ZBTB11: variants seen among roughly 807,000 people sequenced by gnomAD.
ZBTB11 encodes zinc finger and BTB domain containing 11, also known as zinc finger and BTB domain-containing protein 11.
Under a neutral mutation model 113.1 loss-of-function variants are expected in ZBTB11, and 68 were observed. That is an observed-to-expected ratio of 0.60 (90% CI 0.49 to 0.74). The LOEUF (loss-of-function observed/expected upper bound fraction) is 0.74, where lower values mean the gene tolerates loss of function less well. Among genes scored for constraint, ZBTB11 ranks in the 30% least tolerant of loss-of-function variants. ZBTB11 has a pLI of 0.00. For missense variants in ZBTB11, 1,104 were observed against 1,279.4 expected (o/e 0.86, Z 2.09); for synonymous variants, 518 against 452.6 (o/e 1.14, Z -1.83).
chr3:101,670,873 T>C, intron 3 of ZBTB11: 1 of 407,846 alleles, frequency 2.5e-6, no homozygotes, highest in Non-Finnish European at 4.4e-6. Flanking sequence ...TCAAACTGTT[T>C]TTAACAGTTT....
chr3:101,651,136 T>C lies in ZBTB11; in HGVS notation c.*30A>G, dbSNP rs371137205. On this transcript the variant is annotated 3_prime_UTR_variant, in exon 11 of 11. Transcript: ENST00000312938. ...TTCTGTGAGTTCAGTGTACAAGAGA[T>C]GTCACTTCTTTTTATCTTCATTAAC... The C allele has an allele frequency of 6.5e-7, 1 of 1,537,482 alleles. No homozygotes were observed.
chr3:101,652,680 G>A lies in ZBTB11; in HGVS notation c.2469-9C>T. On this transcript the variant is annotated splice_polypyrimidine_tract_variant and intron_variant, in intron 9 of 10. Coordinates refer to ENST00000312938, the MANE Select transcript of ZBTB11 (RefSeq NM_014415.4). ...TGCCACATATATTACACCTAAAATA[G>A]GGGAAAAGACCCAATTATTTTGTCC... The A allele has an allele frequency of 6.2e-7, 1 of 1,612,802 alleles. No individual in the cohort carries two copies. Among genetic ancestry groups the A allele is most frequent in the Non-Finnish European group, 8.5e-7 (1 of 1,179,692 alleles).
chr3:101,653,064 A>G (rs1021590114), intron 8 of ZBTB11, 126 bp from the exon 9 acceptor site: 1 of 1,006,650 alleles, frequency 9.9e-7, no homozygotes, highest in African/African-American at 1.6e-5. Flanking sequence ...AGAATTCCCT[A>G]ATTTTCTAAT....
At position 101,671,920 on chromosome 3, in the gene ZBTB11, C is replaced by T. The variant is rs753999147; in HGVS notation, c.546+58G>A. 3.7e-6 allele frequency: 5 copies of T among 1,355,540 alleles called. No individual in the cohort carries two copies. In the East Asian group the frequency reaches 9.2e-5, roughly 25 times the overall value. 84.0% of individuals were successfully genotyped at this position (1,355,540 alleles called of 1,614,324 possible). On this transcript the variant is annotated intron_variant, in intron 2 of 10. Coordinates refer to ENST00000312938, the MANE Select transcript of ZBTB11 (RefSeq NM_014415.4). ...GTTTGAGAAAAATAAGTCACCAAGGCTGCAAATACTAGTACACTAGTTACA... is the reference window on the plus strand; with the variant it reads ...GTTTGAGAAAAATAAGTCACCAAGGTTGCAAATACTAGTACACTAGTTACA...
chr3:101,676,530 GCA>G (rs1326802812), intron 1 of ZBTB11, 73 bp downstream of exon 1: 1 of 1,387,248 alleles, frequency 7.2e-7, no homozygotes, highest in Non-Finnish European at 9.5e-7. Context: ...TCGTGGGTAC[GCA>G]TAGGCCTCGC....
intron 1 of ZBTB11, among the ~76,000 whole-genome samples, chr3:101,674,127 G>T (rs919965797): frequency 6.6e-6 from 1 of 150,460 alleles, no homozygotes; most frequent in Admixed American, 6.7e-5. Flanking sequence ...TTTGAGGTAA[G>T]AAGTTCGAGA....
chr3:101,652,572 C>T lies in ZBTB11; in HGVS notation c.2568G>A (p.Leu856=). The part of the protein sequence containing the change: ...HGKKGRAKQN[L]ERVCEKCGRK... ...TTCCACATTTTTCACACACCCGTTC[C>T]AGGTTTTGCTTTGCTCTTCCTTTCT... The change falls in exon 10 of 11, where the codon CTG becomes CTA. Residue 856 remains leucine, a synonymous_variant. Coordinates refer to ENST00000312938, the MANE Select transcript of ZBTB11 (RefSeq NM_014415.4). 1 of 1,614,144 alleles carries T rather than the reference C, an allele frequency of 6.2e-7. No homozygotes were observed. The highest frequency in any genetic ancestry group is 8.5e-7 in the Non-Finnish European group (1 of 1,180,022).
chr3:101,652,688 G>T lies in ZBTB11; in HGVS notation c.2469-17C>A. 1 of 1,612,458 alleles carries T rather than the reference G, an allele frequency of 6.2e-7. No homozygotes were observed. The highest frequency in any genetic ancestry group is 8.5e-7 in the Non-Finnish European group (1 of 1,179,554). Reference sequence around the variant, plus strand: ...ATATTACACCTAAAATAGGGGAAAAGACCCAATTATTTTGTCCAAAGAAGT... The same window carrying T: ...ATATTACACCTAAAATAGGGGAAAATACCCAATTATTTTGTCCAAAGAAGT... On this transcript the variant is annotated splice_polypyrimidine_tract_variant and intron_variant, in intron 9 of 10. Transcript: ENST00000312938.
intron 2 of ZBTB11, chr3:101,671,626 T>C (rs1044797349): frequency 5.2e-5 from 30 of 576,458 alleles, no homozygotes; most frequent in East Asian, 3.7e-4. Context: ...TGTATGAAAC[T>C]GATGCAGGTG....
intron 1 of ZBTB11, among the ~76,000 whole-genome samples, chr3:101,674,039 T>TA (rs931684393): frequency 3.3e-5 from 5 of 151,816 alleles, no homozygotes; most frequent in Admixed American, 1.3e-4. Context: ...AGACTGTTTT[T>TA]TTTTTTTTTT....
At chr3:101,671,635 T>G in intron 2 of ZBTB11, 1 of 574,976 alleles carries the variant, frequency 1.7e-6, no homozygotes, top group Non-Finnish European at 3.1e-6. Context: ...CTGATGCAGG[T>G]GAAAAACAAA....
At chr3:101,676,156 CA>C (rs1348617431) in intron 1 of ZBTB11, among the ~76,000 whole-genome samples, 1 of 151,994 alleles carries the variant, frequency 6.6e-6, no homozygotes, top group Non-Finnish European at 1.5e-5. Flanking sequence ...CCAAGCGCAG[CA>C]CTAAAGAAAC....
chr3:101,675,659 G>A (rs776873069), intron 1 of ZBTB11, among the ~76,000 whole-genome samples: 8 of 152,200 alleles, frequency 5.3e-5, no homozygotes, highest in Non-Finnish European at 1.2e-4. Flanking sequence ...TGGTTCCCAA[G>A]GAGTCAAGTA....
chr3:101,651,209 T>C lies in ZBTB11; in HGVS notation c.3119A>G (p.Gln1040Arg). 1 of 1,608,902 alleles carries C rather than the reference T, an allele frequency of 6.2e-7. No homozygotes were observed. Among genetic ancestry groups the C allele is most frequent in the Non-Finnish European group, 8.5e-7 (1 of 1,178,220 alleles). Residue 1040 changes from glutamine to arginine, a missense_variant, in exon 11 of 11, where the codon CAA becomes CGA. Around this residue, in one of 5 missense-constraint regions of ZBTB11, gnomAD observed 90 missense variants for 98.0 expected, o/e 0.92. Coordinates refer to ENST00000312938, the MANE Select transcript of ZBTB11 (RefSeq NM_014415.4). ...ATGTGCTACCTCTACTTTAACAGTT[T>C]GAATAGCTTCTGCAACTTCAGATAG... ...QKLSEVAEAI[Q>R]TVKVEVAHIS...
chr3:101,667,457 GA>G (rs753966591), intron 3 of ZBTB11, among the ~76,000 whole-genome samples: 5 of 152,102 alleles, frequency 3.3e-5, no homozygotes, highest in Non-Finnish European at 7.3e-5. Context: ...ATACAATTGA[GA>G]GCCATATTTG....
chr3:101,657,454 T>TGA (rs1936818635), intron 6 of ZBTB11, among the ~76,000 whole-genome samples: 2 of 146,036 alleles, frequency 1.4e-5, no homozygotes, highest in African/African-American at 5.1e-5. Context: ...TGCAGTGAAC[T>TGA]GAGATGGCGC....
rs575185841 is a variant in ZBTB11 at position 101,652,267 on chromosome 3, A to T, written c.2644+229T>A. On this transcript the variant is annotated intron_variant, in intron 10 of 10. Coordinates refer to ENST00000312938, the MANE Select transcript of ZBTB11 (RefSeq NM_014415.4). ...TCATTCCTTCAAAGCAGAGGCTTCA[A>T]ATAGTTTAGTTCAGCATAACAATGT... Among the ~76,000 whole-genome samples the T allele has an allele frequency of 2.0e-5, 3 of 152,338 alleles. No individual in the cohort carries two copies. In the South Asian group the frequency reaches 6.2e-4, roughly 32 times the overall value.
At chr3:101,652,415 G>A in intron 10 of ZBTB11, 81 bp downstream of exon 10, 1 of 1,381,128 alleles carries the variant, frequency 7.2e-7, no homozygotes. Context: ...ACCAAGGAAG[G>A]TGAAAGAGCT....
intron 10 of ZBTB11, among the ~76,000 whole-genome samples, chr3:101,652,293 G>A (rs1936718291): frequency 1.3e-5 from 2 of 152,002 alleles, no homozygotes; most frequent in Admixed American, 6.6e-5. Flanking sequence ...ATAACAATGT[G>A]GATACAGAAT....
Sources: allele counts gnomAD v4.1 joint callset (sites outside exome capture counted in the v4.1 genomes callset), GRCh38; gene constraint gnomAD v4.1.1; regional missense constraint gnomAD v4.1.1; transcripts MANE v1.5; gene names NCBI Gene and HGNC (gene_info 2026-07-23, HGNC 2026-07-21).